Variants in PZP observed in about 807,000 individuals in gnomAD.
The protein encoded by PZP is pregnancy zone protein.
PZP carries 150 observed loss-of-function variants against 179.8 expected under a neutral mutation model. That is an observed-to-expected ratio of 0.83 (90% CI 0.73 to 0.96). The LOEUF is 0.96. Ranked by LOEUF, PZP falls within the 40% of genes least tolerant of loss-of-function variation. The pLI is 0.00. For synonymous variants in PZP, 624 were observed against 652.3 expected (o/e 0.96, Z 0.66); for missense variants, 1,689 against 1,764.0 (o/e 0.96, Z 0.76).
downstream of PZP, among the ~76,000 whole-genome samples, chr12:9,148,014 C>T (rs1652310675): frequency 6.6e-6 from 1 of 151,792 alleles, no homozygotes; most frequent in East Asian, 1.9e-4. Context: ...TTTTTTCTCT[C>T]CATAAAAGGC....
the PZP span, among the ~76,000 whole-genome samples, chr12:9,141,218 G>A: frequency 1.6e-4 from 24 of 152,150 alleles, no homozygotes; most frequent in Middle Eastern, 3.4e-3. Flanking sequence ...TTATAACTTT[G>A]GAACACATAC....
chr12:9,172,506 G>A (rs954132240), intron 15 of PZP, among the ~76,000 whole-genome samples: 4 of 152,128 alleles, frequency 2.6e-5, no homozygotes, highest in African/African-American at 9.7e-5. Flanking sequence ...ATGTAAATGG[G>A]CTAAATGCTC....
At chr12:9,166,274 G>A (rs1387910033) in intron 17 of PZP, 72 bp from the exon 18 acceptor site, 4 of 1,503,998 alleles carry the variant, frequency 2.7e-6, no homozygotes, top group Non-Finnish European at 1.8e-6. Flanking sequence ...TGAGACGTTA[G>A]AGAACAAAAT....
At chr12:9,171,068 G>A (rs1248567064) in intron 15 of PZP, among the ~76,000 whole-genome samples, 1 of 152,174 alleles carries the variant, frequency 6.6e-6, no homozygotes, top group Non-Finnish European at 1.5e-5. Context: ...CCCAATGAGG[G>A]TCTCCAGCCA....
At chr12:9,180,137 T>A (rs1447863787) in intron 15 of PZP, among the ~76,000 whole-genome samples, 1 of 152,176 alleles carries the variant, frequency 6.6e-6, no homozygotes, top group East Asian at 1.9e-4. Context: ...TTTATTTATT[T>A]ATTTATTTTA....
At chr12:9,151,072 T>C (rs1352645874) in intron 33 of PZP, among the ~76,000 whole-genome samples, 1 of 152,226 alleles carries the variant, frequency 6.6e-6, no homozygotes, top group African/African-American at 2.4e-5. Context: ...AACAACGAAG[T>C]ATTCTTTCTG....
rs770580085 is a variant in PZP, at chr12:9,197,328, A to G, written c.756-205T>C. 2.0e-5 allele frequency among the ~76,000 whole-genome samples: 3 copies of G among 148,176 alleles called. No individual in the cohort carries two copies. In the South Asian group the frequency reaches 6.3e-4, roughly 31 times the overall value. ...AAACTTGACTGCACTGTACCACCAC[A>G]TTCTCTTTGGGATTGAATATATATA... On this transcript the variant is annotated intron_variant, in intron 7 of 35. Coordinates refer to ENST00000261336, the MANE Select transcript of PZP (RefSeq NM_002864.3).
intron 29 of PZP, among the ~76,000 whole-genome samples, chr12:9,154,415 A>G (rs1940592565): frequency 6.6e-6 from 1 of 152,230 alleles, no homozygotes; most frequent in Non-Finnish European, 1.5e-5. Context: ...CATGTTGCTA[A>G]TATATTAACA....
At chr12:9,195,232 T>A (rs868013596) in intron 10 of PZP, among the ~76,000 whole-genome samples, 13 of 152,148 alleles carry the variant, frequency 8.5e-5, no homozygotes, top group African/African-American at 3.1e-4. Flanking sequence ...TATCAATTTT[T>A]AAAAAATTTA....
rs1944540864 is a variant in PZP at position 9,208,278 on chromosome 12, C to T, written c.64G>A (p.Asp22Asn). Residue 22 changes from aspartate to asparagine, a missense_variant, in exon 1 of 36, where the codon GAC (aspartate) becomes AAC (asparagine). Around this residue, in one of 3 missense-constraint regions of PZP, gnomAD observed 742 missense variants for 730.5 expected, o/e 1.02. Transcript: ENST00000261336. ...ACTTACGGTTCTGTAGAGTTTGAGT[C>T]ACTGGCAGAAAGCAGGATAAGAAGT... is the stretch of plus-strand genomic sequence containing the variant. ...VLLLILLSAS[D>N]SNSTEPQYMV... is the part of the protein sequence containing the mutation. 2 of 1,613,394 alleles carry T rather than the reference C, an allele frequency of 1.2e-6. No individual in the cohort carries two copies. Among genetic ancestry groups the T allele is most frequent in the African/African-American group, 1.3e-5 (1 of 74,882 alleles).
chr12:9,151,718 G>T, intron 32 of PZP, 46 bp from the exon 33 acceptor site: 2 of 1,486,620 alleles, frequency 1.3e-6, no homozygotes, highest in South Asian at 1.1e-5. Flanking sequence ...GAACAGATGT[G>T]AGAATGGTGT....
chr12:9,152,310 A>G lies in PZP; in HGVS notation c.4122T>C (p.Ser1374=), dbSNP rs1273579511. The change falls in exon 32 of 36, where the codon AGT becomes AGC. Residue 1374 remains serine, a splice_region_variant and synonymous_variant. Coordinates refer to ENST00000261336, the MANE Select transcript of PZP (RefSeq NM_002864.3). ...TGGAAGCAGGACGGTTTCCTGTGTAACTGTAGTGTCAAAGGAAAAAGAATT... is the reference window on the plus strand; with the variant it reads ...TGGAAGCAGGACGGTTTCCTGTGTAGCTGTAGTGTCAAAGGAAAAAGAATT... ...HTSFQISLTI[S]YTGNRPASNM... 6.2e-7 allele frequency: 1 copy of G among 1,609,412 alleles called. No individual in the cohort carries two copies. The highest frequency in any genetic ancestry group is 8.5e-7 in the Non-Finnish European group (1 of 1,175,912).
At chr12:9,197,642 T>TTA (rs4012634) in intron 7 of PZP, among the ~76,000 whole-genome samples, 30,663 of 64,260 alleles carry the variant, frequency 0.48, 9,960 homozygotes, top group Admixed American at 0.56. Context: ...ATATATTATA[T>TTA]TATATAATAT....
chr12:9,156,576 G>A (rs1424378018), intron 28 of PZP, among the ~76,000 whole-genome samples: 2 of 152,214 alleles, frequency 1.3e-5, no homozygotes, highest in African/African-American at 4.8e-5. Flanking sequence ...ATTCAAGTAA[G>A]TAGAGAGAAA....
rs202077255 is a variant in PZP at position 9,152,813 on chromosome 12, G to T, written c.4121+11C>A. On this transcript the variant is annotated intron_variant, in intron 31 of 35. Transcript: ENST00000261336. ...GGGCCAAAGATAGGTGATTAGGTTA[G>T]AACGTCTTACCTGATGGTCAGTGAG... The T allele has an allele frequency of 1.9e-6, 3 of 1,613,560 alleles. No homozygotes were observed. Among genetic ancestry groups the T allele is most frequent in the Non-Finnish European group, 2.5e-6 (3 of 1,179,774 alleles).
In PZP at chr12:9,181,981, G is replaced by A; in HGVS notation, c.1683C>T (p.Ala561=). The change falls in exon 14 of 36, where the codon GCC becomes GCT. Residue 561 remains alanine (A), a synonymous_variant. Coordinates refer to ENST00000261336, the MANE Select transcript of PZP (RefSeq NM_002864.3). ...SEKFEIENCL[A]NKVDLSFSPA... ...TTTATGTTAAATCGCTCACCTTGTT[G>A]GCTAGACAGTTTTCAATCTCAAATT... is the stretch of plus-strand genomic sequence containing the variant. 6.2e-7 allele frequency: 1 copy of A among 1,613,258 alleles called. No homozygotes were observed. The highest frequency in any genetic ancestry group is 8.5e-7 in the Non-Finnish European group (1 of 1,179,528).
chr12:9,182,500 A>G (rs967162219), intron 13 of PZP, among the ~76,000 whole-genome samples: 28 of 152,192 alleles, frequency 1.8e-4, no homozygotes, highest in Non-Finnish European at 3.5e-4. Context: ...AATTTGTAAG[A>G]TATAATAAGT....
At chr12:9,139,905 G>A in the PZP span, among the ~76,000 whole-genome samples, 2 of 152,192 alleles carry the variant, frequency 1.3e-5, no homozygotes, top group Admixed American at 6.5e-5. Context: ...GGGTTTTAGG[G>A]TAAGAGAGCT....
intron 16 of PZP, among the ~76,000 whole-genome samples, chr12:9,169,189 C>A (rs1226035355): frequency 1.3e-5 from 2 of 151,424 alleles, no homozygotes; most frequent in East Asian, 1.9e-4. Flanking sequence ...AATAAAAAAA[C>A]CTAAATATAA....
Sources: gnomAD v4.1 joint callset for allele counts (sites outside exome capture counted in the v4.1 genomes callset) on GRCh38, gnomAD v4.1.1 for gene constraint, gnomAD v4.1.1 regional missense constraint, MANE v1.5 for transcripts, NCBI Gene and HGNC (gene_info 2026-07-23, HGNC 2026-07-21) for gene names.